MYO18A: variants seen among roughly 807,000 people sequenced by gnomAD.
MYO18A encodes unconventional myosin-XVIIIa.
A neutral mutation model predicts 235.8 loss-of-function variants in MYO18A; 78 were observed. The observed-to-expected ratio is 0.33, with a 90% CI of 0.28 to 0.40. MYO18A has a LOEUF of 0.40. MYO18A is among the 10% of genes least tolerant of loss of function. The pLI is 1.00. For synonymous variants in MYO18A, 977 were observed against 1,077.8 expected (o/e 0.91, Z 1.83); for missense variants, 2,215 against 2,699.3 (o/e 0.82, Z 3.98).
chr17:29,160,096 G>A (rs1372468634), intron 2 of MYO18A, among the ~76,000 whole-genome samples: 1 of 152,172 alleles, frequency 6.6e-6, no homozygotes, highest in African/African-American at 2.4e-5. Context: ...TTAGAGACTG[G>A]GCACAGGGAA....
At chr17:29,081,636 G>A (rs1311173006) in intron 41 of MYO18A, among the ~76,000 whole-genome samples, 3 of 151,316 alleles carry the variant, frequency 2.0e-5, no homozygotes, top group East Asian at 3.9e-4. Flanking sequence ...ATGGCTTTGT[G>A]GGGGGTGAGG....
chr17:29,164,464 C>G (rs770106412), intron 2 of MYO18A, among the ~76,000 whole-genome samples: 1 of 152,200 alleles, frequency 6.6e-6, no homozygotes, highest in South Asian at 2.1e-4. Flanking sequence ...CCACTGCCAG[C>G]CCCTCTTCAG....
At chr17:29,116,409 C>T (rs748566658) in intron 11 of MYO18A, 35 bp downstream of exon 11, 1 of 1,613,760 alleles carries the variant, frequency 6.2e-7, no homozygotes, top group Non-Finnish European at 8.5e-7. Context: ...CTAATCACGG[C>T]AATTAGGGAA....
chr17:29,093,915 C>G lies in MYO18A; in HGVS notation c.4821+65G>C, dbSNP rs1568052240. Reference sequence around the variant, plus strand: ...GCTGAGGTAGGGAGGTGGAAAGCCCCTTACTTTAAAGCGGTGATGGGAACA... The same window carrying G: ...GCTGAGGTAGGGAGGTGGAAAGCCCGTTACTTTAAAGCGGTGATGGGAACA... On this transcript the variant is annotated intron_variant, in intron 31 of 41. Coordinates refer to ENST00000527372, the MANE Select transcript of MYO18A (RefSeq NM_078471.4). 5 of 1,238,624 alleles carry G rather than the reference C, an allele frequency of 4.0e-6. No individual in the cohort carries two copies. In the East Asian group the frequency reaches 1.3e-4, roughly 31 times the overall value. 76.7% of individuals were successfully genotyped at this position (1,238,624 alleles called of 1,614,324 possible).
In MYO18A at chr17:29,140,140, G is replaced by C. The variant is rs1598368364; in HGVS notation, c.1000-17887C>G. Among the ~76,000 whole-genome samples, 1 of 152,118 alleles carries C rather than the reference G, an allele frequency of 6.6e-6. No individual in the cohort carries two copies. The highest frequency in any genetic ancestry group is 1.9e-4 in the East Asian group (1 of 5,198). On this transcript the variant is annotated intron_variant, in intron 2 of 41. Coordinates refer to ENST00000527372, the MANE Select transcript of MYO18A (RefSeq NM_078471.4). This position sits in a 1 kb window ranked among gnomAD's most constrained non-coding sequence, Gnocchi z 4.2. ...GGATGCCCTGCTCCTAGCCACGGAG[G>C]GGTTTTGAGGCTTCCGGGGCTGAGT... is the stretch of plus-strand genomic sequence containing the variant.
Position 29,106,975 on chromosome 17 carries a change from G to A in MYO18A, c.3441+105C>T. On this transcript the variant is annotated intron_variant, in intron 20 of 41. Transcript: ENST00000527372. This position sits in a 1 kb window ranked among gnomAD's most constrained non-coding sequence, Gnocchi z 4.6. ...CTTCCAAAACTGGGAGCCTGAGCAG[G>A]GCCAGATGAGCTGTCTCCAGGGAAG... 1.8e-6 allele frequency: 2 copies of A among 1,119,830 alleles called. No homozygotes were observed. The highest frequency in any genetic ancestry group is 2.7e-6 in the Non-Finnish European group (2 of 748,374). 69.4% of individuals were successfully genotyped at this position (1,119,830 alleles called of 1,614,324 possible). A position where few individuals can be genotyped will look rare whatever the true frequency, so the allele number is the denominator to read the frequency against.
chr17:29,122,827 C>T (rs1461369482), intron 2 of MYO18A, among the ~76,000 whole-genome samples: 1 of 152,236 alleles, frequency 6.6e-6, no homozygotes, highest in Non-Finnish European at 1.5e-5. Context: ...CCCTGGCCCT[C>T]CCCTCCAGAG....
In MYO18A at chr17:29,143,826, A is replaced by G. The variant is rs575009383; in HGVS notation, c.1000-21573T>C. 5.9e-5 allele frequency among the ~76,000 whole-genome samples: 9 copies of G among 152,228 alleles called. No individual in the cohort carries two copies. In the East Asian group the frequency reaches 1.7e-3, roughly 29 times the overall value. ...TCCATCCTGTACTGAAGGGCACGCC[A>G]TCTCCACCATGATGACTCCTGACTT... On this transcript the variant is annotated intron_variant, in intron 2 of 41. Transcript: ENST00000527372.
At chr17:29,075,747 T>TG (rs1476231300) in intron 41 of MYO18A, 2 of 154,718 alleles carry the variant, frequency 1.3e-5, no homozygotes, top group East Asian at 3.8e-4. Context: ...CCCAAAGCCT[T>TG]GGGGCCACCT....
intron 1 of MYO18A, among the ~76,000 whole-genome samples, chr17:29,173,043 G>A (rs1029621669): frequency 9.2e-5 from 14 of 151,982 alleles, no homozygotes; most frequent in Admixed American, 8.5e-4. Flanking sequence ...CATAAGTCTT[G>A]GTGGAAACAC....
chr17:29,113,851 C>T (rs1177874946), intron 15 of MYO18A, among the ~76,000 whole-genome samples, 160 bp downstream of exon 15: 1 of 152,230 alleles, frequency 6.6e-6, no homozygotes, highest in African/African-American at 2.4e-5. Flanking sequence ...GGCAGAGCCC[C>T]AGCACCAGAG....
intron 2 of MYO18A, among the ~76,000 whole-genome samples, chr17:29,135,001 G>A (rs907734579): frequency 6.6e-6 from 1 of 152,130 alleles, no homozygotes. Context: ...AACCAGAGCT[G>A]GGCCGCTTGA....
At position 29,102,901 on chromosome 17, in the gene MYO18A, G is replaced by A. The variant is rs980591157; in HGVS notation, c.3507+698C>T. Among the ~76,000 whole-genome samples the A allele has an allele frequency of 4.6e-5, 7 of 152,188 alleles. No individual in the cohort carries two copies. The South Asian group carries it at 8.3e-4, about 18-fold the overall frequency. Reference sequence around the variant, plus strand: ...AGACAACTGGTCCAGAACCCTCTCTGGCTCTCCACTGGCCTCCCTTCCACC... The same window carrying A: ...AGACAACTGGTCCAGAACCCTCTCTAGCTCTCCACTGGCCTCCCTTCCACC... On this transcript the variant is annotated intron_variant, in intron 21 of 41. Coordinates refer to ENST00000527372, the MANE Select transcript of MYO18A (RefSeq NM_078471.4).
Position 29,074,497 on chromosome 17 carries a change from C to T in MYO18A, c.*273G>A. On this transcript the variant is annotated 3_prime_UTR_variant, in exon 42 of 42. Transcript: ENST00000527372. The surrounding 1 kb of genome is among the most constrained non-coding windows in gnomAD (Gnocchi z 4.4). Reference sequence around the variant, plus strand: ...TGCAGTGCCAGGCCACCTGCCACTGCCCACGGTGACACAGGGTAGAAGCCA... The same window carrying T: ...TGCAGTGCCAGGCCACCTGCCACTGTCCACGGTGACACAGGGTAGAAGCCA... 1.7e-6 allele frequency: 1 copy of T among 575,790 alleles called. No individual in the cohort carries two copies. The allele number at this position is 575,790 out of a possible 1,614,324, so 35.7% of individuals were successfully genotyped here.
At position 29,098,865 on chromosome 17, in the gene MYO18A, G is replaced by C. The variant is rs372051440; in HGVS notation, c.3741C>G (p.Ile1247Met). 3 of 1,613,842 alleles carry C rather than the reference G, an allele frequency of 1.9e-6. No homozygotes were observed. The African/African-American group carries it at 4.0e-5, about 22-fold the overall frequency. ...TCTGCTCCTCTGACAGCTGTACTTC[G>C]ATGAGGGGCCTCACTGTGGTAAAAA... The part of the protein sequence containing the change: ...WKLFTTVRPL[I>M]EVQLSEEQIR... Residue 1247 changes from isoleucine (I) to methionine (M), a missense_variant, in exon 23 of 42, where the codon ATC becomes ATG. By Grantham distance (10) the Ile-to-Met change is conservative (BLOSUM62 1). Coordinates refer to ENST00000527372, the MANE Select transcript of MYO18A (RefSeq NM_078471.4).
At chr17:29,148,711 C>T (rs1253288284) in intron 2 of MYO18A, among the ~76,000 whole-genome samples, 1 of 152,058 alleles carries the variant, frequency 6.6e-6, no homozygotes, top group African/African-American at 2.4e-5. Flanking sequence ...TCTACCAGTG[C>T]CGATAGCCAG....
intron 21 of MYO18A, among the ~76,000 whole-genome samples, chr17:29,101,679 G>A (rs895967030): frequency 5.9e-5 from 9 of 152,192 alleles, no homozygotes; most frequent in Non-Finnish European, 1.2e-4. Context: ...AAGTCCCGCC[G>A]GAGGACAGCA....
chr17:29,076,085 CAGTG>C (rs2065968615), intron 41 of MYO18A: 1 of 156,550 alleles, frequency 6.4e-6, no homozygotes, highest in South Asian at 2.1e-4. Flanking sequence ...CCCAAGGTGG[CAGTG>C]AGAGATGCAG....
Position 29,073,215 on chromosome 17 carries a change from T to C in MYO18A, c.*1555A>G, listed in dbSNP as rs2065906584. The C allele has an allele frequency of 6.6e-6, 1 of 152,228 alleles. No individual in the cohort carries two copies. Among genetic ancestry groups the C allele is most frequent in the Non-Finnish European group, 1.5e-5 (1 of 68,054 alleles). 9.4% of individuals were successfully genotyped at this position (152,228 alleles called of 1,614,324 possible). ...GACCTCAACATTCCCTTGTGGAGGC[T>C]AGGGAGGATGAGGCTTGGAGTCTCT... On this transcript the variant is annotated 3_prime_UTR_variant, in exon 42 of 42. Transcript: ENST00000527372.
Sources: gnomAD v4.1 joint callset for allele counts (sites outside exome capture counted in the v4.1 genomes callset) on GRCh38, gnomAD v4.1.1 for gene constraint, Gnocchi (gnomAD v3.1) non-coding constraint, MANE v1.5 for transcripts, NCBI Gene and HGNC (gene_info 2026-07-23, HGNC 2026-07-21) for gene names.